CP: variants seen among roughly 807,000 people sequenced by gnomAD.
CP encodes ceruloplasmin.
Under a neutral mutation model 122.4 loss-of-function variants are expected in CP, and 64 were observed. The ratio of observed to expected loss-of-function variants is 0.52; its 90% CI spans 0.43 to 0.64. The LOEUF (loss-of-function observed/expected upper bound fraction) is 0.64, where lower values mean the gene tolerates loss of function less well. CP is among the 30% of genes least tolerant of loss of function. The probability of loss-of-function intolerance (pLI) is 0.00; values close to 1 mark genes in which losing one functional copy is unlikely to be tolerated. For missense variants in CP, 1,167 were observed against 1,284.4 expected (o/e 0.91, Z 1.40); for synonymous variants, 440 against 436.4 (o/e 1.01, Z -0.10).
chr3:149,220,968 A>T (rs946690803), intron 1 of CP, among the ~76,000 whole-genome samples: 4 of 152,112 alleles, frequency 2.6e-5, no homozygotes, highest in Middle Eastern at 3.2e-3. Flanking sequence ...CAATAAGGGG[A>T]TTTTCCAACT....
intron 14 of CP, 176 bp from the exon 15 acceptor site, chr3:149,179,838 A>G (rs1445448787): frequency 1.5e-5 from 9 of 582,254 alleles, no homozygotes; most frequent in Non-Finnish European, 2.7e-5. Flanking sequence ...TCAGGAATTT[A>G]GTTTTAAGAT....
intron 4 of CP, chr3:149,166,943 TG>T: frequency 1.0e-6 from 1 of 976,328 alleles, no homozygotes; most frequent in African/African-American, 1.6e-5. Context: ...TTTTGGCAAG[TG>T]AGGTTTAGTC....
chr3:149,217,979 G>A (rs1288628189), intron 1 of CP: 1 of 321,808 alleles, frequency 3.1e-6, no homozygotes, highest in African/African-American at 2.3e-5. Context: ...ATTTGTTTTG[G>A]AAACCTCTAA....
intron 1 of CP, among the ~76,000 whole-genome samples, chr3:149,213,289 A>T (rs1438731458): frequency 6.6e-6 from 1 of 152,228 alleles, no homozygotes; most frequent in Non-Finnish European, 1.5e-5. Context: ...TTACTTTTGA[A>T]TTTAAATAAT....
chr3:149,179,263 C>T (rs1454703112), intron 15 of CP, among the ~76,000 whole-genome samples: 2 of 152,152 alleles, frequency 1.3e-5, no homozygotes, highest in Non-Finnish European at 2.9e-5. Flanking sequence ...ATCTGAAATG[C>T]AAATATACTG....
chr3:149,208,341 C>T (rs1202038736), intron 4 of CP, among the ~76,000 whole-genome samples: 8 of 152,118 alleles, frequency 5.3e-5, no homozygotes, highest in Admixed American at 1.3e-4. Context: ...CCAAATCAAA[C>T]CTGCTCAGGC....
chr3:149,207,666 A>G, intron 4 of CP, 49 bp from the exon 5 acceptor site: 1 of 1,596,906 alleles, frequency 6.3e-7, no homozygotes, highest in South Asian at 1.1e-5. Flanking sequence ...AATGCTTGAG[A>G]TAGTGAGAGT....
downstream of CP, chr3:149,168,067 ATT>A: frequency 1.2e-6 from 1 of 811,314 alleles, no homozygotes; most frequent in Non-Finnish European, 2.1e-6. Flanking sequence ...TTTTCATGTG[ATT>A]CTCAAGTGAA....
At chr3:149,185,748 C>T (rs540721338) in intron 11 of CP, among the ~76,000 whole-genome samples, 1 of 152,300 alleles carries the variant, frequency 6.6e-6, no homozygotes, top group South Asian at 2.1e-4. Context: ...AATCTTGACC[C>T]TTTCCCCTCT....
intron 18 of CP, 34 bp from the exon 19 acceptor site, chr3:149,173,764 A>AAAT (rs1253148594): frequency 8.9e-7 from 1 of 1,120,198 alleles, no homozygotes; most frequent in Non-Finnish European, 1.3e-6. Context: ...CCATTATTAA[A>AAAT]AATAATATAT....
At chr3:149,194,565 A>G (rs1404544836) in intron 9 of CP, among the ~76,000 whole-genome samples, 1 of 151,970 alleles carries the variant, frequency 6.6e-6, no homozygotes, top group African/African-American at 2.4e-5. Context: ...AAGTGATGGT[A>G]TTACCATTTA....
rs1208581638 is a variant in CP at position 149,177,829 on chromosome 3, A to T, written c.3018+11T>A. The T allele has an allele frequency of 6.2e-7, 1 of 1,613,146 alleles. No individual in the cohort carries two copies. The highest frequency in any genetic ancestry group is 8.5e-7 in the Non-Finnish European group (1 of 1,179,232). ...AACAGAGCAAGAGTAATTGCCATGGATAGCTCTTACCTTGTATTGGAAGCT... is the reference window on the plus strand; with the variant it reads ...AACAGAGCAAGAGTAATTGCCATGGTTAGCTCTTACCTTGTATTGGAAGCT... On this transcript the variant is annotated intron_variant, in intron 17 of 18. Transcript: ENST00000264613.
intron 11 of CP, 26 bp downstream of exon 11, chr3:149,186,494 A>G: frequency 6.2e-7 from 1 of 1,604,152 alleles, no homozygotes; most frequent in African/African-American, 1.3e-5. Context: ...TCCATCCAAT[A>G]GAGACTTGGC....
intron 18 of CP, 118 bp downstream of exon 18, chr3:149,176,132 A>G: frequency 1.0e-6 from 1 of 981,018 alleles, no homozygotes; most frequent in East Asian, 2.5e-5. Context: ...AAATCAGGGC[A>G]GCAGATTCAC....
At chr3:149,176,536 C>A in intron 17 of CP, 124 bp from the exon 18 acceptor site, 1 of 797,160 alleles carries the variant, frequency 1.3e-6, no homozygotes, top group Non-Finnish European at 2.0e-6. Context: ...AAATCGAGCT[C>A]GTTTCTGTGT....
In CP at chr3:149,189,009, G is replaced by A. The variant is rs552708102; in HGVS notation, c.1714-807C>T. Among the ~76,000 whole-genome samples, 7 of 152,260 alleles carry A rather than the reference G, an allele frequency of 4.6e-5. No homozygotes were observed. The South Asian group carries it at 1.5e-3, about 32-fold the overall frequency. On this transcript the variant is annotated intron_variant, in intron 9 of 18. Transcript: ENST00000264613. ...AGAGAACTGAAACTATGATGAAGGG[G>A]ATCTAAAGAAAGCTCCCATAAATCA...
chr3:149,198,461 T>C lies in CP; in HGVS notation c.1619A>G (p.Tyr540Cys). The change falls in exon 9 of 19, where the codon TAT becomes TGT. Residue 540 changes from tyrosine (Y) to cysteine (C), a missense_variant. Transcript: ENST00000264613. ...ATCTTTAGTGGGTTCCACAGCAGAA[T>C]AATACATCTTAGCTAGACACACAGG... ...ADPVCLAKMY[Y>C]SAVEPTKDIF... The C allele has an allele frequency of 6.2e-7, 1 of 1,613,272 alleles. No homozygotes were observed. Among genetic ancestry groups the C allele is most frequent in the Non-Finnish European group, 8.5e-7 (1 of 1,179,176 alleles).
intron 1 of CP, among the ~76,000 whole-genome samples, chr3:149,220,919 A>G (rs1446367635): frequency 6.6e-6 from 1 of 152,232 alleles, no homozygotes; most frequent in Non-Finnish European, 1.5e-5. Context: ...TTCAAGGAGA[A>G]CTAAACTTTT....
intron 8 of CP, 44 bp from the exon 9 acceptor site, chr3:149,198,622 C>T (rs200733770): frequency 1.3e-5 from 20 of 1,570,696 alleles, no homozygotes; most frequent in East Asian, 6.8e-5. Flanking sequence ...TGCTTTCTAA[C>T]GTGGTCATTT....
Sources: gnomAD v4.1 joint callset for allele counts (sites outside exome capture counted in the v4.1 genomes callset) on GRCh38, gnomAD v4.1.1 for gene constraint, MANE v1.5 for transcripts, NCBI Gene and HGNC (gene_info 2026-07-23, HGNC 2026-07-21) for gene names.